Variants in VAV2 observed in about 807,000 individuals in gnomAD.
VAV2 encodes the protein guanine nucleotide exchange factor VAV2.
A neutral mutation model predicts 132.5 loss-of-function variants in VAV2; 67 were observed. The observed-to-expected ratio is 0.51, with a 90% CI of 0.42 to 0.62. The LOEUF (loss-of-function observed/expected upper bound fraction) is 0.62, where lower values mean the gene tolerates loss of function less well. Among genes scored for constraint, VAV2 ranks in the 20% least tolerant of loss-of-function variants. The pLI is 0.00. For synonymous variants in VAV2, 492 were observed against 443.5 expected (o/e 1.11, Z -1.37); for missense variants, 938 against 1,153.6 (o/e 0.81, Z 2.71).
chr9:133,787,990 G>A (rs1834298202), intron 15 of VAV2, among the ~76,000 whole-genome samples: 1 of 152,244 alleles, frequency 6.6e-6, no homozygotes, highest in Admixed American at 6.5e-5. Flanking sequence ...GGGACAACAT[G>A]GGCTAGAGTC....
At chr9:133,854,622 C>T (rs1837318258) in intron 3 of VAV2, among the ~76,000 whole-genome samples, 1 of 152,134 alleles carries the variant, frequency 6.6e-6, no homozygotes, top group East Asian at 1.9e-4. Flanking sequence ...GAGAGCTGGC[C>T]GCTGTGACCA....
chr9:133,974,750 G>A (rs901279075), intron 1 of VAV2, among the ~76,000 whole-genome samples: 9 of 152,016 alleles, frequency 5.9e-5, no homozygotes, highest in African/African-American at 4.8e-5. Flanking sequence ...GCAGTGCGCC[G>A]CGGACAGATA....
intron 1 of VAV2, among the ~76,000 whole-genome samples, chr9:133,952,406 A>G (rs569791898): frequency 1.3e-5 from 2 of 152,170 alleles, no homozygotes; most frequent in Non-Finnish European, 2.9e-5. Flanking sequence ...GTTCGAGAAC[A>G]GCCTGGCCAA....
chr9:133,861,229 G>T (rs936177248), intron 3 of VAV2, 145 bp downstream of exon 3: 3 of 770,844 alleles, frequency 3.9e-6, no homozygotes, highest in Non-Finnish European at 5.5e-6. Flanking sequence ...AGCCGCCAAC[G>T]GGTTACGCGA....
chr9:133,922,845 C>CAGAG (rs1197414199), intron 2 of VAV2, among the ~76,000 whole-genome samples: 1 of 152,138 alleles, frequency 6.6e-6, no homozygotes, highest in African/African-American at 2.4e-5. Flanking sequence ...CGAAAACAGA[C>CAGAG]AAATGAGACT....
At chr9:133,805,380 T>A (rs1036846746) in intron 9 of VAV2, among the ~76,000 whole-genome samples, 1 of 152,052 alleles carries the variant, frequency 6.6e-6, no homozygotes, top group African/African-American at 2.4e-5. Flanking sequence ...CTCCAAAGGA[T>A]CCCCGAGGGA....
At chr9:133,779,693 G>C (rs767043380) in intron 21 of VAV2, among the ~76,000 whole-genome samples, 1 of 152,158 alleles carries the variant, frequency 6.6e-6, no homozygotes, top group Non-Finnish European at 1.5e-5. Flanking sequence ...GCTGGGTCCT[G>C]TCCCTACAGC....
chr9:133,803,540 C>T (rs967276594), intron 9 of VAV2, among the ~76,000 whole-genome samples: 2 of 152,244 alleles, frequency 1.3e-5, no homozygotes, highest in Non-Finnish European at 2.9e-5. Flanking sequence ...TTCCCAAGGC[C>T]CAGTGTCCCT....
intron 2 of VAV2, among the ~76,000 whole-genome samples, chr9:133,934,899 G>A (rs982927977): frequency 5.9e-5 from 9 of 152,262 alleles, no homozygotes; most frequent in South Asian, 2.1e-4. Context: ...CCGGCCAGTC[G>A]GTCAGGCTCC....
At chr9:133,901,214 C>T (rs547967897) in intron 2 of VAV2, among the ~76,000 whole-genome samples, 1 of 152,180 alleles carries the variant, frequency 6.6e-6, no homozygotes, top group Non-Finnish European at 1.5e-5. Context: ...GTAAAAGCAC[C>T]ACTCCGGGGG....
chr9:133,792,359 A>ATGTGTG (rs141878473), intron 12 of VAV2, among the ~76,000 whole-genome samples: 1 of 123,360 alleles, frequency 8.1e-6, no homozygotes, highest in African/African-American at 3.2e-5. Context: ...GGTGGGGTGC[A>ATGTGTG]TGTGTGTGTG....
intron 13 of VAV2, among the ~76,000 whole-genome samples, chr9:133,791,387 G>C (rs1404234920): frequency 1.3e-5 from 2 of 152,134 alleles, no homozygotes; most frequent in Non-Finnish European, 2.9e-5. Flanking sequence ...GTCAAGGTGA[G>C]GGTGGGCCAG....
At chr9:133,781,805 C>A (rs541108520) in intron 19 of VAV2, among the ~76,000 whole-genome samples, 1 of 152,350 alleles carries the variant, frequency 6.6e-6, no homozygotes, top group East Asian at 1.9e-4. Flanking sequence ...AGGACACAGG[C>A]CCCTGGGGAG....
rs950611014 is a variant in VAV2 at position 133,762,917 on chromosome 9, A to G, written c.*1145T>C. 6.5e-6 allele frequency: 1 copy of G among 152,678 alleles called. No homozygotes were observed. The highest frequency in any genetic ancestry group is 1.5e-5 in the Non-Finnish European group (1 of 68,156). The allele number at this position is 152,678 out of a possible 1,614,324, so 9.5% of individuals were successfully genotyped here. On this transcript the variant is annotated 3_prime_UTR_variant, in exon 30 of 30. Coordinates refer to ENST00000371850, the MANE Select transcript of VAV2 (RefSeq NM_001134398.2). The surrounding 1 kb of genome is among the most constrained non-coding windows in gnomAD (Gnocchi z 5.0). The stretch of plus-strand genomic sequence containing the variant: ...GAGCTGGGAGGGAGACACTGTTACC[A>G]GGTCTCATGCAACATCAGGGTAGAG...
At chr9:133,811,823 G>A (rs1202751736) in intron 5 of VAV2, among the ~76,000 whole-genome samples, 2 of 152,226 alleles carry the variant, frequency 1.3e-5, no homozygotes, top group Non-Finnish European at 2.9e-5. Flanking sequence ...AACACGGGCG[G>A]GGGTCATGAC....
intron 4 of VAV2, among the ~76,000 whole-genome samples, chr9:133,822,691 G>A (rs148861069): frequency 0.017 from 2,632 of 152,194 alleles, 39 homozygotes; most frequent in Admixed American, 0.057. Context: ...CCAGATTCCC[G>A]GAAGGAGACC....
chr9:133,899,884 G>A (rs1023684240), intron 2 of VAV2, among the ~76,000 whole-genome samples: 1 of 151,484 alleles, frequency 6.6e-6, no homozygotes, highest in African/African-American at 2.4e-5. Context: ...AACTGGGCGT[G>A]GTGGCGGGCA....
intron 1 of VAV2, among the ~76,000 whole-genome samples, chr9:133,960,030 A>G (rs1311130668): frequency 6.6e-6 from 1 of 152,220 alleles, no homozygotes; most frequent in East Asian, 1.9e-4. Flanking sequence ...AGCCGGGAAC[A>G]CGGGTGCCCC....
rs1327172916 is a variant in VAV2 at position 133,919,150 on chromosome 9, G to C, written c.321+19953C>G. ...TGACCTAGCTCCGCCCTCTCCATCA[G>C]GCCTGGCTCTGCCCACAGCCTCTCC... On this transcript the variant is annotated intron_variant, in intron 2 of 29. Coordinates refer to ENST00000371850, the MANE Select transcript of VAV2 (RefSeq NM_001134398.2). This position sits in a 1 kb window ranked among gnomAD's most constrained non-coding sequence, Gnocchi z 5.8. Among the ~76,000 whole-genome samples, 1 of 152,092 alleles carries C rather than the reference G, an allele frequency of 6.6e-6. No homozygotes were observed. Among genetic ancestry groups the C allele is most frequent in the Non-Finnish European group, 1.5e-5 (1 of 68,012 alleles).
Sources: allele counts gnomAD v4.1 joint callset (sites outside exome capture counted in the v4.1 genomes callset), GRCh38; gene constraint gnomAD v4.1.1; non-coding constraint Gnocchi (gnomAD v3.1); transcripts MANE v1.5; gene names NCBI Gene and HGNC (gene_info 2026-07-23, HGNC 2026-07-21).